The following NUSAP1 variants were observed in gnomAD, a reference collection of about 807,000 sequenced individuals.
NUSAP1 encodes the protein nucleolar and spindle-associated protein 1.
NUSAP1 carries 32 observed loss-of-function variants against 52.8 expected under a neutral mutation model. That is an observed-to-expected ratio of 0.61 (90% CI 0.46 to 0.81). The LOEUF (loss-of-function observed/expected upper bound fraction) is 0.81, where lower values mean the gene tolerates loss of function less well. Ranked by LOEUF, NUSAP1 falls within the 40% of genes least tolerant of loss-of-function variation. The pLI is 0.00. For missense variants in NUSAP1, 499 were observed against 522.3 expected (o/e 0.96, Z 0.43); for synonymous variants, 195 against 183.1 (o/e 1.06, Z -0.52).
At chr15:41,369,191 G>T (rs1440795459) in intron 7 of NUSAP1, among the ~76,000 whole-genome samples, 1 of 151,966 alleles carries the variant, frequency 6.6e-6, no homozygotes, top group Non-Finnish European at 1.5e-5. Flanking sequence ...GATTATAGGT[G>T]TGAACCATCT....
At chr15:41,364,399 A>G (rs927013696) in intron 6 of NUSAP1, among the ~76,000 whole-genome samples, 6 of 151,878 alleles carry the variant, frequency 4.0e-5, no homozygotes, top group African/African-American at 1.2e-4. Flanking sequence ...TACAAAAATT[A>G]GTCGAGTGTG....
intron 8 of NUSAP1, 46 bp downstream of exon 8, chr15:41,371,730 A>G (rs1041387229): frequency 1.3e-6 from 2 of 1,549,498 alleles, no homozygotes; most frequent in Non-Finnish European, 1.7e-6. Flanking sequence ...TTTTTAAGCC[A>G]TGTAACTTCC....
At chr15:41,344,447 G>C (rs947093805) in intron 2 of NUSAP1, among the ~76,000 whole-genome samples, 2 of 151,488 alleles carry the variant, frequency 1.3e-5, no homozygotes, top group Non-Finnish European at 2.9e-5. Flanking sequence ...GACCATCCTG[G>C]CTAACACGGT....
chr15:41,377,089 A>C (rs1382670723), intron 9 of NUSAP1, 107 bp from the exon 10 acceptor site: 2 of 639,928 alleles, frequency 3.1e-6, no homozygotes, highest in Non-Finnish European at 5.5e-6. Context: ...TCAAAGAAAA[A>C]AAAAGTATAA....
chr15:41,344,586 C>T (rs989779979), intron 2 of NUSAP1, among the ~76,000 whole-genome samples: 1 of 150,992 alleles, frequency 6.6e-6, no homozygotes, highest in Non-Finnish European at 1.5e-5. Flanking sequence ...TGCAGTGAGC[C>T]GAGATCATGC....
intron 1 of NUSAP1, among the ~76,000 whole-genome samples, chr15:41,336,360 G>T (rs1332626071): frequency 1.3e-5 from 2 of 151,412 alleles, no homozygotes; most frequent in African/African-American, 2.4e-5. Flanking sequence ...CAATTTGAAG[G>T]AGCCAGTTAT....
At chr15:41,333,942 G>A (rs1386724397) in intron 1 of NUSAP1, among the ~76,000 whole-genome samples, 1 of 152,138 alleles carries the variant, frequency 6.6e-6, no homozygotes, top group African/African-American at 2.4e-5. Flanking sequence ...AAAAACCCAA[G>A]ATGTTAGAAG....
chr15:41,333,773 T>C (rs1004599155), intron 1 of NUSAP1, among the ~76,000 whole-genome samples: 8 of 152,116 alleles, frequency 5.3e-5, no homozygotes, highest in African/African-American at 1.7e-4. Flanking sequence ...ACGCCTGTGA[T>C]CCAAGCTTTT....
chr15:41,356,769 C>CAATG (rs2048989593), intron 5 of NUSAP1, among the ~76,000 whole-genome samples: 1 of 151,906 alleles, frequency 6.6e-6, no homozygotes, highest in Admixed American at 6.6e-5. Flanking sequence ...ACTGATGAAT[C>CAATG]AATGTATGAA....
chr15:41,375,761 C>T lies in NUSAP1; in HGVS notation c.1056C>T (p.Ser352=), dbSNP rs933304170. The T allele has an allele frequency of 6.2e-7, 1 of 1,613,824 alleles. No individual in the cohort carries two copies. Among genetic ancestry groups the T allele is most frequent in the African/African-American group, 1.3e-5 (1 of 74,930 alleles). The change falls in exon 9 of 11, where the codon TCC becomes TCT. Residue 352 remains serine, a synonymous_variant. Coordinates refer to ENST00000559596, the MANE Select transcript of NUSAP1 (RefSeq NM_016359.5). Reference sequence around the variant, plus strand: ...CTGAGGCAACGCAGACTCCAGTCTCCAATAAGAAACCAGTGTTTGATCTTA... The same window carrying T: ...CTGAGGCAACGCAGACTCCAGTCTCTAATAAGAAACCAGTGTTTGATCTTA... The part of the protein sequence containing the change: ...LTTEATQTPV[S]NKKPVFDLKA...
At chr15:41,344,115 G>T (rs2048466636) in intron 2 of NUSAP1, 1 of 150,968 alleles carries the variant, frequency 6.6e-6, no homozygotes, top group South Asian at 2.1e-4. Context: ...TACTCAGGAG[G>T]CTGAGGCAGG....
rs149106990 is a variant in NUSAP1 at position 41,355,738 on chromosome 15, G to A, written c.449-301G>A. Among the ~76,000 whole-genome samples, 235 of 151,368 alleles carry A rather than the reference G, an allele frequency of 1.6e-3. 1 individual carries two copies. The highest frequency in any genetic ancestry group is 5.6e-3 in the African/African-American group (232 of 41,190). ...GTTGCCCAGGCTGGAGTGCAGTTGC[G>A]CGATCTCGGCTCACTGCAAGTTCCG... On this transcript the variant is annotated intron_variant, in intron 4 of 10. Transcript: ENST00000559596.
chr15:41,373,714 C>T (rs572814257), intron 8 of NUSAP1, among the ~76,000 whole-genome samples: 1 of 151,994 alleles, frequency 6.6e-6, no homozygotes, highest in East Asian at 2.0e-4. Context: ...TGCCAAAGTG[C>T]TGGGATTACA....
chr15:41,378,949 T>G (rs866797923), intron 10 of NUSAP1, among the ~76,000 whole-genome samples: 54 of 96,798 alleles, frequency 5.6e-4, no homozygotes, highest in African/African-American at 2.3e-3. Flanking sequence ...TCTTGGTTTT[T>G]TTTTTTTTTT....
At chr15:41,337,931 C>CTTTTTTTTTTTTTTT (rs757341496) in intron 1 of NUSAP1, among the ~76,000 whole-genome samples, 5 of 110,936 alleles carry the variant, frequency 4.5e-5, no homozygotes, top group African/African-American at 1.1e-4. Flanking sequence ...TTTCTTTTTT[C>CTTTTTTTTTTTTTTT]TTTTTTTTTT....
In NUSAP1 at chr15:41,342,420, T is replaced by G. The variant is rs373420110; in HGVS notation, c.128T>G (p.Ile43Ser). The change falls in exon 2 of 11, where the codon ATT becomes AGT. Residue 43 changes from isoleucine (I) to serine (S), a missense_variant. Physicochemically the swap from Ile to Ser is moderately radical, Grantham distance 142. Coordinates refer to ENST00000559596, the MANE Select transcript of NUSAP1 (RefSeq NM_016359.5). Reference sequence around the variant, plus strand: ...TTGTTAAAAGCCTTGAAAGGCTACATTAAACATGAGGCAAGAAAAGGAAAT... The same window carrying G: ...TTGTTAAAAGCCTTGAAAGGCTACAGTAAACATGAGGCAAGAAAAGGAAAT... ...TKLLKALKGYIKHEARKGNEN... is the reference protein window; with the variant it reads ...TKLLKALKGYSKHEARKGNEN... 1.1e-5 allele frequency: 18 copies of G among 1,595,626 alleles called. No homozygotes were observed. The highest frequency in any genetic ancestry group is 4.0e-5 in the African/African-American group (3 of 74,512).
rs561930335 is a variant in NUSAP1, at chr15:41,339,931, A to G, written c.94-2455A>G. Among the ~76,000 whole-genome samples, 6 of 151,390 alleles carry G rather than the reference A, an allele frequency of 4.0e-5. No homozygotes were observed. In the East Asian group the frequency reaches 1.2e-3, roughly 30 times the overall value. On this transcript the variant is annotated intron_variant, in intron 1 of 10. Coordinates refer to ENST00000559596, the MANE Select transcript of NUSAP1 (RefSeq NM_016359.5). ...TGAGTAGCTCAGACTACAGGTGCCC[A>G]CCACCACGCCCAGCTATTTTTTGCA...
intron 9 of NUSAP1, among the ~76,000 whole-genome samples, chr15:41,376,112 C>T (rs975075021): frequency 1.2e-4 from 18 of 151,832 alleles, no homozygotes; most frequent in African/African-American, 4.1e-4. Flanking sequence ...ACAAATTCTG[C>T]GGCCGGGCGC....
chr15:41,369,626 CA>C (rs200040487), intron 7 of NUSAP1, among the ~76,000 whole-genome samples: 1,725 of 151,414 alleles, frequency 0.011, 39 homozygotes, highest in African/African-American at 0.039. Context: ...CCAGCCTGGG[CA>C]ACAAGAGCGA....
Sources: gnomAD v4.1 joint callset for allele counts (sites outside exome capture counted in the v4.1 genomes callset) on GRCh38, gnomAD v4.1.1 for gene constraint, MANE v1.5 for transcripts, NCBI Gene and HGNC (gene_info 2026-07-23, HGNC 2026-07-21) for gene names.